OR51B5: variants seen among roughly 807,000 people sequenced by gnomAD.
OR51B5 encodes olfactory receptor 51B5.
For missense variants in OR51B5, 456 were observed against 374.6 expected, an observed-to-expected ratio of 1.22 and a Z score of -1.79; for synonymous variants, 186 against 144.8, an observed-to-expected ratio of 1.28 and a Z score of -2.04.
At chr11:5,400,806 G>A (rs1250989861) in intron 1 of OR51B5, among the ~76,000 whole-genome samples, 2 of 152,200 alleles carry the variant, frequency 1.3e-5, no homozygotes, top group African/African-American at 2.4e-5. Flanking sequence ...ATAGAGGTGT[G>A]CTCACTGGTT....
At chr11:5,443,925 C>T (rs1850728495) in intron 1 of OR51B5, among the ~76,000 whole-genome samples, 1 of 152,062 alleles carries the variant, frequency 6.6e-6, no homozygotes, top group Non-Finnish European at 1.5e-5. Context: ...CACTCTTATA[C>T]TTACACACCC....
intron 1 of OR51B5, among the ~76,000 whole-genome samples, chr11:5,388,612 T>C (rs183492868): frequency 6.7e-6 from 1 of 149,438 alleles, no homozygotes; most frequent in Admixed American, 6.8e-5. Context: ...CAGAGGAAAT[T>C]AGGATAGATA....
chr11:5,499,713 A>G (rs573012506), intron 1 of OR51B5, among the ~76,000 whole-genome samples: 11 of 152,314 alleles, frequency 7.2e-5, no homozygotes, highest in African/African-American at 2.6e-4. Context: ...AGCCTTAAAA[A>G]TATGTCCTGA....
intron 1 of OR51B5, among the ~76,000 whole-genome samples, chr11:5,408,335 CTTCCTTCCCTTCCTCCCTTCCT>C (rs1850091724): frequency 1.3e-5 from 2 of 148,432 alleles, no homozygotes; most frequent in South Asian, 4.3e-4. Context: ...AAATTCTTTC[CTTCCTTCCCTTCCTCCCTTCCT>C]CCCTTCCTCC....
At chr11:5,468,473 C>A in intron 1 of OR51B5, 1 of 341,652 alleles carries the variant, frequency 2.9e-6, no homozygotes, top group Non-Finnish European at 5.8e-6. Flanking sequence ...CTTTCCAGGA[C>A]AGTTTTCCTT....
chr11:5,453,578 C>T, intron 1 of OR51B5: 17 of 1,612,964 alleles, frequency 1.1e-5, no homozygotes, highest in Admixed American at 1.7e-5. Context: ...TGTCAGGGCC[C>T]CTCTGCGTGA....
chr11:5,358,606 CAATAGTA>C (rs923231420), intron 1 of OR51B5, among the ~76,000 whole-genome samples: 4 of 152,020 alleles, frequency 2.6e-5, no homozygotes, highest in Admixed American at 2.6e-4. Context: ...CTATTCGAAT[CAATAGTA>C]AAAGAGGGAA....
intron 1 of OR51B5, among the ~76,000 whole-genome samples, chr11:5,414,978 T>C (rs529155247): frequency 7.2e-5 from 11 of 152,256 alleles, no homozygotes; most frequent in African/African-American, 2.6e-4. Flanking sequence ...ATACATTTTT[T>C]TCAGCACCAC....
At chr11:5,351,949 A>T (rs1849097761) in intron 1 of OR51B5, 5 of 1,613,036 alleles carry the variant, frequency 3.1e-6, no homozygotes, top group Non-Finnish European at 4.2e-6. Context: ...GCGGGTATTG[A>T]CAAGGGCTGG....
Position 5,423,342 on chromosome 11 carries a change from T to C in OR51B5, n.85-76432A>G, listed in dbSNP as rs1850387861. 5 of 589,976 alleles carry C rather than the reference T, an allele frequency of 8.5e-6. No homozygotes were observed. The Admixed American group carries it at 1.0e-4, about 12-fold the overall frequency. The allele number at this position is 589,976 out of a possible 1,614,324, so 36.5% of individuals were successfully genotyped here. A position where few individuals can be genotyped will look rare whatever the true frequency, so the allele number is the denominator to read the frequency against. ...GCAGTGATTCTATGCAAAAGAGATA[T>C]GGATCTGAGTTGATAAAATTCTAGC... On this transcript the variant is annotated intron_variant and non_coding_transcript_variant, in intron 1 of 4. Transcript: ENST00000415970.
chr11:5,478,587 A>C (rs995632162), intron 1 of OR51B5, among the ~76,000 whole-genome samples: 1 of 150,388 alleles, frequency 6.6e-6, no homozygotes, highest in Admixed American at 6.6e-5. Flanking sequence ...CATTCAAACC[A>C]AAGGCAAAGA....
At chr11:5,342,539 A>ATATTAGAGTT (rs1848911328), downstream of OR51B5, 3 of 1,527,026 alleles carry the variant, frequency 2.0e-6, no homozygotes, top group Non-Finnish European at 2.6e-6. Context: ...CTCCTGCTAA[A>ATATTAGAGTT]TATTAGAGTT....
chr11:5,412,220 T>G (rs1232854674), intron 1 of OR51B5, among the ~76,000 whole-genome samples: 1 of 152,154 alleles, frequency 6.6e-6, no homozygotes, highest in Non-Finnish European at 1.5e-5. Flanking sequence ...TATGACTATA[T>G]CTTCTTGAGT....
At chr11:5,352,335 C>T (rs755562558) in intron 1 of OR51B5, 4 of 1,613,556 alleles carry the variant, frequency 2.5e-6, no homozygotes, top group East Asian at 2.2e-5. Context: ...CAATGAGCTA[C>T]ATCCACTTCC....
intron 1 of OR51B5, chr11:5,431,145 C>G: frequency 5.0e-6 from 2 of 399,466 alleles, no homozygotes; most frequent in Non-Finnish European, 1.0e-5. Context: ...GTGCCACACT[C>G]TTCAGTGTAA....
chr11:5,341,839 G>T (rs1848899514), downstream of OR51B5, among the ~76,000 whole-genome samples: 1 of 152,188 alleles, frequency 6.6e-6, no homozygotes, highest in African/African-American at 2.4e-5. Context: ...AGCAACTAGG[G>T]TAGTAGAATA....
chr11:5,349,404 G>A (rs1564914867), intron 1 of OR51B5, among the ~76,000 whole-genome samples: 1 of 150,442 alleles, frequency 6.6e-6, no homozygotes, highest in East Asian at 2.0e-4. Flanking sequence ...TCCTACTCCT[G>A]TTTTTTTTTA....
intron 1 of OR51B5, among the ~76,000 whole-genome samples, chr11:5,444,320 T>C (rs923794106): frequency 3.3e-5 from 5 of 152,184 alleles, no homozygotes; most frequent in African/African-American, 9.6e-5. Context: ...ATTCAAATCG[T>C]AGGCTTTTAA....
At chr11:5,355,580 G>A (rs2736559) in intron 1 of OR51B5, 57,596 of 151,878 alleles carry the variant, frequency 0.38, 11,119 homozygotes, top group Non-Finnish European at 0.41. Flanking sequence ...TTGCAGTCCT[G>A]TATCTGTCTA....
Sources: gnomAD v4.1 joint callset for allele counts (sites outside exome capture counted in the v4.1 genomes callset) on GRCh38, gnomAD v4.1.1 for gene constraint, MANE v1.5 for transcripts, NCBI Gene and HGNC (gene_info 2026-07-23, HGNC 2026-07-21) for gene names.